EBF4: variants seen among roughly 807,000 people sequenced by gnomAD.
EBF4 encodes the protein transcription factor COE4.
EBF4 carries 34 observed loss-of-function variants against 67.1 expected under a neutral mutation model. That is an observed-to-expected ratio of 0.51 (90% CI 0.39 to 0.67). The LOEUF is 0.67. Among genes scored for constraint, EBF4 ranks in the 30% least tolerant of loss-of-function variants. The pLI is 0.00. For synonymous variants in EBF4, 387 were observed against 377.7 expected, an observed-to-expected ratio of 1.02 and a Z score of -0.29; for missense variants, 837 against 873.3, an observed-to-expected ratio of 0.96 and a Z score of 0.52.
chr20:2,719,536 G>T (rs560838636), intron 6 of EBF4, among the ~76,000 whole-genome samples: 2 of 152,134 alleles, frequency 1.3e-5, no homozygotes, highest in Non-Finnish European at 2.9e-5. Context: ...GCCTCCCAAA[G>T]TGCTGGGATT....
chr20:2,709,557 C>G lies in EBF4; in HGVS notation c.489-17C>G. 7 of 1,546,528 alleles carry G rather than the reference C, an allele frequency of 4.5e-6. No homozygotes were observed. Among genetic ancestry groups the G allele is most frequent in the Non-Finnish European group, 6.1e-6 (7 of 1,143,994 alleles). On this transcript the variant is annotated splice_polypyrimidine_tract_variant and intron_variant, in intron 5 of 16. Transcript: ENST00000609451. ...TCCTTGGCTTCTGCCTTCCCTCCTT[C>G]CTCATCTTTCCTTCAGCCGGTGCTG...
At chr20:2,705,346 C>T (rs1460929127) in intron 1 of EBF4, among the ~76,000 whole-genome samples, 1 of 152,186 alleles carries the variant, frequency 6.6e-6, no homozygotes, top group Non-Finnish European at 1.5e-5. Context: ...CACCACTCTG[C>T]CTCTTGTTTT....
intron 14 of EBF4, among the ~76,000 whole-genome samples, chr20:2,753,345 T>C (rs1211041523): frequency 6.6e-6 from 1 of 152,232 alleles, no homozygotes; most frequent in Non-Finnish European, 1.5e-5. Context: ...CTGCATGTCA[T>C]GAGTGAGTGA....
At chr20:2,721,753 C>T (rs1275778957) in intron 6 of EBF4, among the ~76,000 whole-genome samples, 1 of 152,186 alleles carries the variant, frequency 6.6e-6, no homozygotes, top group Non-Finnish European at 1.5e-5. Context: ...CTGCACCTGG[C>T]CCCATGTCTC....
intron 6 of EBF4, among the ~76,000 whole-genome samples, chr20:2,725,277 G>T (rs1212215111): frequency 6.6e-6 from 1 of 151,670 alleles, no homozygotes. Flanking sequence ...TGCATTCTGG[G>T]TAATTGTTTT....
chr20:2,694,018 G>T (rs1233207246), intron 1 of EBF4, among the ~76,000 whole-genome samples: 1 of 152,210 alleles, frequency 6.6e-6, no homozygotes, highest in African/African-American at 2.4e-5. Context: ...TCTGACGGCC[G>T]CTCGCGGGTG....
At chr20:2,723,131 A>G (rs1052176928) in intron 6 of EBF4, among the ~76,000 whole-genome samples, 1 of 152,130 alleles carries the variant, frequency 6.6e-6, no homozygotes, top group Non-Finnish European at 1.5e-5. Flanking sequence ...GGCTTTTAAA[A>G]ACTTTATAAC....
chr20:2,735,828 T>C (rs2087869920), intron 6 of EBF4, among the ~76,000 whole-genome samples: 1 of 152,172 alleles, frequency 6.6e-6, no homozygotes, highest in African/African-American at 2.4e-5. Context: ...TAAACAACAA[T>C]TTATAATTTT....
rs1226562765 is a variant in EBF4, at chr20:2,752,326, C to A, written c.1352-31C>A. 3 of 1,198,938 alleles carry A rather than the reference C, an allele frequency of 2.5e-6. No homozygotes were observed. In the African/African-American group the frequency reaches 4.8e-5, roughly 19 times the overall value. The allele number at this position is 1,198,938 out of a possible 1,614,324, so 74.3% of individuals were successfully genotyped here. On this transcript the variant is annotated intron_variant, in intron 13 of 16. Transcript: ENST00000609451. ...GCCACCGCCCCTCCCCGGCCGGCAC[C>A]GCCCCCTGACGGCCGCGCTCTCTCT...
chr20:2,714,020 G>A (rs1020554865), intron 6 of EBF4, among the ~76,000 whole-genome samples: 3 of 152,214 alleles, frequency 2.0e-5, no homozygotes, highest in African/African-American at 7.2e-5. Context: ...GTTCAAGGGT[G>A]TATATAATGA....
In EBF4 at chr20:2,696,658, G is replaced by A. The variant is rs1265030256; in HGVS notation, c.137+2876G>A. Among the ~76,000 whole-genome samples the A allele has an allele frequency of 6.6e-6, 1 of 152,052 alleles. No individual in the cohort carries two copies. The highest frequency in any genetic ancestry group is 1.5e-5 in the Non-Finnish European group (1 of 68,004). ...ACTTGGAGAATTAGCTGCGCCTCCAGTAAGTGCTATGGTCTATTGAAACAA... is the reference window on the plus strand; with the variant it reads ...ACTTGGAGAATTAGCTGCGCCTCCAATAAGTGCTATGGTCTATTGAAACAA... On this transcript the variant is annotated intron_variant, in intron 1 of 16. Coordinates refer to ENST00000609451, the Ensembl canonical transcript of EBF4. This position sits in a 1 kb window ranked among gnomAD's most constrained non-coding sequence, Gnocchi z 4.7.
chr20:2,731,619 C>T (rs370152645), intron 6 of EBF4, among the ~76,000 whole-genome samples: 11 of 152,312 alleles, frequency 7.2e-5, no homozygotes, highest in African/African-American at 2.6e-4. Flanking sequence ...AGCTAGATAA[C>T]GGGGACAGCC....
In EBF4 at chr20:2,693,817, T is replaced by C; in HGVS notation, c.137+35T>C. ...CGGACCGGACCCGGTGCGCTCGGGT[T>C]GGACGGCTGCGCGCCGCCTCAGCTC... is the stretch of plus-strand genomic sequence containing the variant. On this transcript the variant is annotated intron_variant, in intron 1 of 16. Transcript: ENST00000609451. The surrounding 1 kb of genome is among the most constrained non-coding windows in gnomAD (Gnocchi z 4.6). 1 of 1,263,238 alleles carries C rather than the reference T, an allele frequency of 7.9e-7. No individual in the cohort carries two copies. The highest frequency in any genetic ancestry group is 1.0e-6 in the Non-Finnish European group (1 of 1,003,484). The allele number at this position is 1,263,238 out of a possible 1,614,324, so 78.3% of individuals were successfully genotyped here.
rs2088221426 is a variant in EBF4 at position 2,755,104 on chromosome 20, T to C, written c.1541-523T>C. ...AGGGAACATTGGCAAGGAGAGCATATTTGAGGAGGAAGTTGGAGTGCTGTT... is the reference window on the plus strand; with the variant it reads ...AGGGAACATTGGCAAGGAGAGCATACTTGAGGAGGAAGTTGGAGTGCTGTT... On this transcript the variant is annotated intron_variant, in intron 14 of 16. Coordinates refer to ENST00000609451, the Ensembl canonical transcript of EBF4. The surrounding 1 kb of genome is among the most constrained non-coding windows in gnomAD (Gnocchi z 4.7). 6.3e-6 allele frequency: 1 copy of C among 157,774 alleles called. No individual in the cohort carries two copies. The highest frequency in any genetic ancestry group is 1.4e-5 in the Non-Finnish European group (1 of 72,176). 9.8% of individuals were successfully genotyped at this position (157,774 alleles called of 1,614,324 possible).
chr20:2,759,616 G>A (rs149487726), downstream of EBF4: 1,452 of 153,302 alleles, frequency 9.5e-3, 14 homozygotes, highest in South Asian at 0.022. Flanking sequence ...TGAGGGGAGC[G>A]TGGGATGGGG....
chr20:2,727,175 T>C (rs1332493938), intron 6 of EBF4, among the ~76,000 whole-genome samples: 3 of 151,986 alleles, frequency 2.0e-5, no homozygotes, highest in African/African-American at 7.2e-5. Flanking sequence ...TATTATATGT[T>C]TATAACATGT....
At chr20:2,733,818 A>G (rs950732666) in intron 6 of EBF4, among the ~76,000 whole-genome samples, 9 of 151,328 alleles carry the variant, frequency 5.9e-5, no homozygotes, top group African/African-American at 1.9e-4. Flanking sequence ...CTGATGAGAA[A>G]AAAAAAAAAA....
At chr20:2,725,300 C>T (rs1291149873) in intron 6 of EBF4, among the ~76,000 whole-genome samples, 1 of 152,074 alleles carries the variant, frequency 6.6e-6, no homozygotes, top group South Asian at 2.1e-4. Context: ...ATTCATCTTT[C>T]AAGTCATTAA....
In EBF4 at chr20:2,739,038, G is replaced by A. The variant is rs2087930128; in HGVS notation, c.558-9511G>A. On this transcript the variant is annotated intron_variant, in intron 6 of 16. Coordinates refer to ENST00000609451, the Ensembl canonical transcript of EBF4. This position sits in a 1 kb window ranked among gnomAD's most constrained non-coding sequence, Gnocchi z 4.5. ...CCTGGCAGGTGGCTGTGGCCCTGGG[G>A]ACAGTCTATCTTGGCTTCTACCGCA... 6.6e-6 allele frequency among the ~76,000 whole-genome samples: 1 copy of A among 152,182 alleles called. No homozygotes were observed. Among genetic ancestry groups the A allele is most frequent in the East Asian group, 1.9e-4 (1 of 5,194 alleles).
Sources: allele counts gnomAD v4.1 joint callset (sites outside exome capture counted in the v4.1 genomes callset), GRCh38; gene constraint gnomAD v4.1.1; non-coding constraint Gnocchi (gnomAD v3.1); transcripts MANE v1.5; gene names NCBI Gene and HGNC (gene_info 2026-07-23, HGNC 2026-07-21).